STARD6: variants seen among roughly 807,000 people sequenced by gnomAD.
STARD6 encodes StAR related lipid transfer domain containing 6, also known as stAR-related lipid transfer protein 6.
A neutral mutation model predicts 22.3 loss-of-function variants in STARD6; 21 were observed. That is an observed-to-expected ratio of 0.94 (90% CI 0.67 to 1.35). STARD6 has a LOEUF of 1.35. Among genes scored for constraint, STARD6 ranks in the 40% most tolerant of loss-of-function variants. STARD6 has a pLI of 0.00. For synonymous variants in STARD6, 80 were observed against 88.1 expected, an observed-to-expected ratio of 0.91 and a Z score of 0.52; for missense variants, 269 against 266.9, an observed-to-expected ratio of 1.01 and a Z score of -0.05.
intron 7 of STARD6, among the ~76,000 whole-genome samples, chr18:54,326,664 G>A (rs1034635178): frequency 8.6e-5 from 13 of 150,608 alleles, no homozygotes; most frequent in African/African-American, 2.9e-4. Context: ...ATTTTTTGAT[G>A]ATAGGTTACT....
chr18:54,336,517 G>A (rs978136125), intron 5 of STARD6, among the ~76,000 whole-genome samples: 1 of 152,144 alleles, frequency 6.6e-6, no homozygotes, highest in Middle Eastern at 3.2e-3. Context: ...AAATTACCCA[G>A]TCTTGGGTAT....
intron 1 of STARD6, chr18:54,357,067 C>A (rs1156638168): frequency 6.6e-6 from 1 of 152,200 alleles, no homozygotes; most frequent in Middle Eastern, 3.2e-3. Context: ...GGTGGTGGAA[C>A]GTCGGATGAG....
At chr18:54,329,684 A>C (rs1159213682) in intron 6 of STARD6, among the ~76,000 whole-genome samples, 1 of 151,990 alleles carries the variant, frequency 6.6e-6, no homozygotes, top group Non-Finnish European at 1.5e-5. Context: ...TTCTGTATAC[A>C]AGAAAAATGG....
At chr18:54,341,615 T>C (rs1432789893) in intron 4 of STARD6, among the ~76,000 whole-genome samples, 1 of 152,186 alleles carries the variant, frequency 6.6e-6, no homozygotes, top group Non-Finnish European at 1.5e-5. Flanking sequence ...ACAACAGAAA[T>C]TTGGGAAATT....
chr18:54,350,498 CTATT>C, intron 4 of STARD6, among the ~76,000 whole-genome samples: 1 of 152,138 alleles, frequency 6.6e-6, no homozygotes, highest in Non-Finnish European at 1.5e-5. Context: ...TAGGTCCCAA[CTATT>C]TATTTTTGGT....
intron 4 of STARD6, among the ~76,000 whole-genome samples, chr18:54,353,633 C>T (rs2089117316): frequency 6.6e-6 from 1 of 152,168 alleles, no homozygotes; most frequent in Non-Finnish European, 1.5e-5. Context: ...GCACTCCAGC[C>T]TGGTGACAGA....
intron 5 of STARD6, among the ~76,000 whole-genome samples, chr18:54,334,453 T>C (rs1271007211): frequency 6.6e-6 from 1 of 152,048 alleles, no homozygotes; most frequent in Admixed American, 6.6e-5. Context: ...CCCCTGACCT[T>C]TGAGACTCTT....
chr18:54,356,072 ATAGT>A (rs574117347), intron 2 of STARD6, among the ~76,000 whole-genome samples: 52 of 152,362 alleles, frequency 3.4e-4, no homozygotes, highest in South Asian at 8.3e-4. Flanking sequence ...GGTTATCAAA[ATAGT>A]TAGTTTCTCT....
chr18:54,351,376 C>T (rs1370097667), intron 4 of STARD6, among the ~76,000 whole-genome samples: 1 of 152,110 alleles, frequency 6.6e-6, no homozygotes, highest in Non-Finnish European at 1.5e-5. Flanking sequence ...TTGGATGAGT[C>T]ATTAGGGTTT....
intron 2 of STARD6, 120 bp from the exon 3 acceptor site, chr18:54,354,697 C>A (rs2089128956): frequency 2.9e-6 from 2 of 679,646 alleles, no homozygotes; most frequent in Admixed American, 5.7e-5. Flanking sequence ...AACATAATTA[C>A]TTGATGAATG....
At chr18:54,333,522 A>G (rs1358099063) in intron 5 of STARD6, among the ~76,000 whole-genome samples, 1 of 152,200 alleles carries the variant, frequency 6.6e-6, no homozygotes, top group African/African-American at 2.4e-5. Flanking sequence ...AAATAGTTAA[A>G]TTTTTGGATT....
intron 4 of STARD6, chr18:54,353,843 T>C (rs1250197853): frequency 2.8e-6 from 1 of 351,002 alleles, no homozygotes; most frequent in Non-Finnish European, 5.0e-6. Context: ...AAGAGATTTT[T>C]TATCTGATTG....
At chr18:54,340,037 A>G (rs866794016) in intron 4 of STARD6, among the ~76,000 whole-genome samples, 23 of 152,274 alleles carry the variant, frequency 1.5e-4, no homozygotes, top group African/African-American at 5.1e-4. Context: ...GAGAACCAGA[A>G]ATGGTAAATA....
At chr18:54,331,888 A>T in intron 5 of STARD6, 29 bp from the exon 6 acceptor site, 1 of 1,438,310 alleles carries the variant, frequency 7.0e-7, no homozygotes, top group Non-Finnish European at 9.7e-7. Flanking sequence ...TAAAGATAAC[A>T]AACGTTACTT....
Position 54,354,515 on chromosome 18 carries a change from T to A in STARD6, c.59A>T (p.Asp20Val). 6.2e-7 allele frequency: 1 copy of A among 1,613,672 alleles called. No individual in the cohort carries two copies. The highest frequency in any genetic ancestry group is 8.5e-7 in the Non-Finnish European group (1 of 1,179,770). Reference protein sequence around the residue: ...TAQEVLGYNRDTSGWKVVKTS... With the variant: ...TAQEVLGYNRVTSGWKVVKTS... Reference sequence around the variant, plus strand: ...TTTAACCACTTTCCAGCCTGATGTATCTCGATTATAACCTAAAACTTCTTG... The same window carrying A: ...TTTAACCACTTTCCAGCCTGATGTAACTCGATTATAACCTAAAACTTCTTG... Residue 20 changes from aspartate (D) to valine (V), a missense_variant, in exon 3 of 8, where the codon GAT becomes GTT. Physicochemically the swap from Asp to Val is radical, Grantham distance 152. Coordinates refer to ENST00000307844, the MANE Select transcript of STARD6 (RefSeq NM_139171.2).
chr18:54,351,319 C>T (rs1217852902), intron 4 of STARD6, among the ~76,000 whole-genome samples: 1 of 152,160 alleles, frequency 6.6e-6, no homozygotes, highest in Non-Finnish European at 1.5e-5. Flanking sequence ...TTTGTGTACA[C>T]TGACTTTATC....
intron 4 of STARD6, among the ~76,000 whole-genome samples, chr18:54,353,420 G>A (rs1206297203): frequency 6.6e-6 from 1 of 152,250 alleles, no homozygotes; most frequent in African/African-American, 2.4e-5. Context: ...TGTAATCCCA[G>A]CACTTTGGGA....
chr18:54,352,009 A>C (rs1310917055), intron 4 of STARD6, among the ~76,000 whole-genome samples: 5 of 148,718 alleles, frequency 3.4e-5, no homozygotes, highest in Non-Finnish European at 7.4e-5. Flanking sequence ...GAATAGTTTC[A>C]GTAAGATCAT....
chr18:54,344,598 A>AAG lies in STARD6; in HGVS notation c.141-7348_141-7347insCT, dbSNP rs1555681378. On this transcript the variant is annotated intron_variant, in intron 4 of 7. Transcript: ENST00000307844. ...AAAAATAAATTAAAAAAAAAAAAAA[A>AAG]AAAGAAAATAAAACTACACCCCAGT... is the stretch of plus-strand genomic sequence containing the variant. 4.7e-5 allele frequency among the ~76,000 whole-genome samples: 7 copies of AAG among 148,434 alleles called. 1 individual carries two copies. Among genetic ancestry groups the AAG allele is most frequent in the East Asian group, 3.9e-4 (2 of 5,140 alleles).
Sources: allele counts gnomAD v4.1 joint callset (sites outside exome capture counted in the v4.1 genomes callset), GRCh38; gene constraint gnomAD v4.1.1; transcripts MANE v1.5; gene names NCBI Gene and HGNC (gene_info 2026-07-23, HGNC 2026-07-21).